The following MACF1 variants were observed in gnomAD, a reference collection of about 807,000 sequenced individuals.
MACF1 encodes microtubule actin crosslinking factor 1.
In MACF1, 193 loss-of-function variants were observed where a neutral mutation model predicts 854.8. That is an observed-to-expected ratio of 0.23 (90% CI 0.20 to 0.25). The LOEUF (loss-of-function observed/expected upper bound fraction) is 0.25, where lower values mean the gene tolerates loss of function less well. MACF1 is among the 10% of genes least tolerant of loss of function. The pLI, the probability that MACF1 is intolerant of heterozygous loss-of-function variation, is 1.00. For synonymous variants in MACF1, 3,185 were observed against 3,226.7 expected (o/e 0.99, Z 0.44); for missense variants, 7,722 against 8,929.1 (o/e 0.86, Z 5.45).
At chr1:39,109,745 G>A (rs1642346770) in intron 2 of MACF1, among the ~76,000 whole-genome samples, 1 of 152,098 alleles carries the variant, frequency 6.6e-6, no homozygotes, top group South Asian at 2.1e-4. Flanking sequence ...TAAAATTACT[G>A]TCTAAGAGCC....
At chr1:39,087,225 G>A (rs1247449044) in intron 2 of MACF1, among the ~76,000 whole-genome samples, 2 of 152,214 alleles carry the variant, frequency 1.3e-5, no homozygotes, top group Non-Finnish European at 2.9e-5. Context: ...GCCAGCTGTG[G>A]CCTGTGCAAT....
chr1:39,111,583 G>A (rs1202222426), intron 2 of MACF1, among the ~76,000 whole-genome samples: 5 of 152,062 alleles, frequency 3.3e-5, no homozygotes, highest in South Asian at 2.1e-4. Flanking sequence ...GGGTTTCACC[G>A]TGTTAGCCAG....
chr1:39,271,519 G>C (rs1034596855), intron 6 of MACF1, among the ~76,000 whole-genome samples: 3 of 152,172 alleles, frequency 2.0e-5, no homozygotes, highest in African/African-American at 7.2e-5. Context: ...TTCAACATGA[G>C]ATTTGGTAGG....
rs1329400200 is a variant in MACF1, at chr1:39,333,251, T to G, written c.6663T>G (p.Val2221=). ...TAAAGTCTGAAACTGATGGGAATGTTCATCCTCTGGACAAAAAGGAAATGT... is the reference window on the plus strand; with the variant it reads ...TAAAGTCTGAAACTGATGGGAATGTGCATCCTCTGGACAAAAAGGAAATGT... ...LELKSETDGN[V]HPLDKKEMLK... is the part of the protein sequence containing the mutation. The change falls in exon 37 of 101, where the codon GTT becomes GTG. Residue 2221 remains valine (V), a synonymous_variant. Coordinates refer to ENST00000564288, the MANE Select transcript of MACF1 (RefSeq NM_001394062.1). The G allele has an allele frequency of 2.5e-6, 4 of 1,613,854 alleles. No homozygotes were observed. Among genetic ancestry groups the G allele is most frequent in the Non-Finnish European group, 3.4e-6 (4 of 1,179,984 alleles).
At chr1:39,097,653 T>G (rs1051918860) in intron 2 of MACF1, among the ~76,000 whole-genome samples, 9 of 151,932 alleles carry the variant, frequency 5.9e-5, no homozygotes, top group African/African-American at 1.9e-4. Context: ...GCCTGGGAGG[T>G]TGAGGCAGCA....
rs549870468 is a variant in MACF1 at position 39,340,879 on chromosome 1, C to G, written c.10507C>G (p.Leu3503Val). 6.2e-7 allele frequency: 1 copy of G among 1,614,066 alleles called. No individual in the cohort carries two copies. The highest frequency in any genetic ancestry group is 1.3e-5 in the African/African-American group (1 of 75,030). Residue 3503 changes from leucine (L) to valine (V), a missense_variant, in exon 40 of 101, where the codon CTT becomes GTT. Around this residue, in one of 15 missense-constraint regions of MACF1, gnomAD observed 854 missense variants for 852.6 expected, o/e 1.00. Transcript: ENST00000564288. ...GAGAGCCTGGGTTGGCAATAAAAAT[C>G]TTATTCTGAACAGCAAGGGATCTAA... is the stretch of plus-strand genomic sequence containing the variant. ...DLRAWVGNKN[L>V]ILNSKGSNSE...
intron 3 of MACF1, among the ~76,000 whole-genome samples, chr1:39,251,203 T>C (rs1337058521): frequency 6.6e-6 from 1 of 152,184 alleles, no homozygotes; most frequent in East Asian, 1.9e-4. Flanking sequence ...GAATTAATTA[T>C]ATATTTTTTA....
At chr1:39,153,459 C>T (rs886109148) in intron 2 of MACF1, among the ~76,000 whole-genome samples, 5 of 152,186 alleles carry the variant, frequency 3.3e-5, no homozygotes, top group African/African-American at 1.2e-4. Context: ...AGGAGCCAAC[C>T]ATTTCTCCTT....
chr1:39,201,955 CTTTTTTTTTTTTTT>C (rs748333630), upstream of MACF1, among the ~76,000 whole-genome samples: 9 of 52,312 alleles, frequency 1.7e-4, no homozygotes, highest in Non-Finnish European at 2.5e-4. Flanking sequence ...TGCTCATATT[CTTTTTTTTTTTTTT>C]TTTTTTTTTT....
intron 1 of MACF1, among the ~76,000 whole-genome samples, chr1:39,209,007 T>C (rs1485401949): frequency 6.6e-6 from 1 of 151,712 alleles, no homozygotes; most frequent in Admixed American, 6.6e-5. Context: ...ATCCCAGCAC[T>C]TTGGGAGGCT....
intron 2 of MACF1, among the ~76,000 whole-genome samples, chr1:39,153,574 T>C (rs1319305430): frequency 2.6e-5 from 4 of 152,186 alleles, no homozygotes; most frequent in Admixed American, 2.6e-4. Flanking sequence ...CCGTGAAGCA[T>C]AGGTCTAATC....
intron 2 of MACF1, among the ~76,000 whole-genome samples, chr1:39,231,789 C>G (rs1472410583): frequency 1.3e-5 from 2 of 151,970 alleles, no homozygotes; most frequent in African/African-American, 4.8e-5. Context: ...AAGCGATCCT[C>G]CTACCTCTGC....
Position 39,084,981 on chromosome 1 carries a change from A to G in MACF1, c.220+543A>G, listed in dbSNP as rs1641634420. On this transcript the variant is annotated intron_variant, in intron 2 of 93. Transcript: ENST00000361689. This position sits in a 1 kb window ranked among gnomAD's most constrained non-coding sequence, Gnocchi z 5.2. ...TACAGTTTTACTTGTATCGCCTTCC[A>G]AAAGTGTTCTACATGCTGACCTTTC... is the stretch of plus-strand genomic sequence containing the variant. Among the ~76,000 whole-genome samples, 1 of 152,188 alleles carries G rather than the reference A, an allele frequency of 6.6e-6. No homozygotes were observed. The highest frequency in any genetic ancestry group is 2.4e-5 in the African/African-American group (1 of 41,432).
At chr1:39,201,369 T>C (rs1453032575), upstream of MACF1, among the ~76,000 whole-genome samples, 1 of 152,216 alleles carries the variant, frequency 6.6e-6, no homozygotes, top group African/African-American at 2.4e-5. Flanking sequence ...ATGATCCTTT[T>C]TTTTTTGAGA....
At chr1:39,326,274 G>A (rs953012918) in intron 35 of MACF1, among the ~76,000 whole-genome samples, 3 of 152,160 alleles carry the variant, frequency 2.0e-5, no homozygotes, top group African/African-American at 7.2e-5. Flanking sequence ...GAAAGTTGCG[G>A]GATTCATCAG....
Position 39,283,386 on chromosome 1 carries a change from A to G in MACF1, c.809-23A>G. 1 of 1,592,922 alleles carries G rather than the reference A, an allele frequency of 6.3e-7. No homozygotes were observed. The highest frequency in any genetic ancestry group is 8.6e-7 in the Non-Finnish European group (1 of 1,160,722). ...CAAGTTCCTTTGTTCTGACTAAGAA[A>G]TTTCTTGTCCATTCTCTCTCAGATG... On this transcript the variant is annotated intron_variant, in intron 8 of 100. Transcript: ENST00000564288. This position sits in a 1 kb window ranked among gnomAD's most constrained non-coding sequence, Gnocchi z 4.5.
At chr1:39,273,755 T>G (rs1645375242) in intron 6 of MACF1, among the ~76,000 whole-genome samples, 1 of 152,162 alleles carries the variant, frequency 6.6e-6, no homozygotes, top group Non-Finnish European at 1.5e-5. Flanking sequence ...CATGCCCGGC[T>G]AATTTTTTGT....
intron 58 of MACF1, among the ~76,000 whole-genome samples, chr1:39,394,312 A>G (rs1349027434): frequency 2.0e-5 from 3 of 152,152 alleles, no homozygotes; most frequent in African/African-American, 7.2e-5. Context: ...AGGCATCTTC[A>G]TGTGCACATG....
At chr1:39,428,598 T>G (rs1047616479) in intron 63 of MACF1, among the ~76,000 whole-genome samples, 8 of 152,226 alleles carry the variant, frequency 5.3e-5, no homozygotes, top group African/African-American at 1.9e-4. Flanking sequence ...ATTTGAGCAG[T>G]TTTATGAAAG....
Sources: gnomAD v4.1 joint callset for allele counts (sites outside exome capture counted in the v4.1 genomes callset) on GRCh38, gnomAD v4.1.1 for gene constraint, gnomAD v4.1.1 regional missense constraint, Gnocchi (gnomAD v3.1) non-coding constraint, MANE v1.5 for transcripts, NCBI Gene and HGNC (gene_info 2026-07-23, HGNC 2026-07-21) for gene names.